The following MARCHF1 variants were observed in gnomAD, a reference collection of about 807,000 sequenced individuals.
MARCHF1 encodes the protein membrane associated ring-CH-type finger 1.
A neutral mutation model predicts 54.2 loss-of-function variants in MARCHF1; 40 were observed. The ratio of observed to expected loss-of-function variants is 0.74; its 90% CI spans 0.57 to 0.96. MARCHF1 has a LOEUF of 0.96. MARCHF1 is among the 40% of genes least tolerant of loss of function. MARCHF1 has a pLI of 0.00. For synonymous variants in MARCHF1, 236 were observed against 236.3 expected (o/e 1.00, Z 0.01); for missense variants, 586 against 656.5 (o/e 0.89, Z 1.17).
Position 164,369,227 on chromosome 4 carries a change from C to CTTGA in MARCHF1, c.-323+14639_-323+14642dup, listed in dbSNP as rs529334490. On this transcript the variant is annotated intron_variant, in intron 1 of 9. Transcript: ENST00000514618. ...CATTCCCTTTAGCTGGGCAACAATCCTTGAAGGGGGACTGGGTGGTTCTTC... is the reference window on the plus strand; with the variant it reads ...CATTCCCTTTAGCTGGGCAACAATCCTTGATTGAAGGGGGACTGGGTGGTTCTTC... Among the ~76,000 whole-genome samples, 43 of 152,256 alleles carry CTTGA rather than the reference C, an allele frequency of 2.8e-4. No homozygotes were observed. The South Asian group carries it at 8.5e-3, about 30-fold the overall frequency.
chr4:164,139,890 T>G (rs191272924), intron 1 of MARCHF1, among the ~76,000 whole-genome samples: 5 of 152,258 alleles, frequency 3.3e-5, no homozygotes, highest in African/African-American at 1.2e-4. Flanking sequence ...AACAAAAATT[T>G]GACTTCAAAT....
downstream of MARCHF1, chr4:163,524,677 C>CAA (rs1422661433): frequency 6.6e-6 from 1 of 152,126 alleles, no homozygotes; most frequent in Non-Finnish European, 1.5e-5. Context: ...GTTGCAAATA[C>CAA]AAATATCAGT....
rs934072461 is a variant in MARCHF1 at position 163,953,864 on chromosome 4, T to C, written c.-39+34637A>G. Among the ~76,000 whole-genome samples the C allele has an allele frequency of 2.0e-5, 3 of 152,314 alleles. No homozygotes were observed. The East Asian group carries it at 5.8e-4, about 29-fold the overall frequency. On this transcript the variant is annotated intron_variant, in intron 3 of 9. Transcript: ENST00000514618. Reference sequence around the variant, plus strand: ...GGCTTTGGCTGCATTTTTCTTACAATGGCAGAGTTGAGTGGATAAGGGTGA... The same window carrying C: ...GGCTTTGGCTGCATTTTTCTTACAACGGCAGAGTTGAGTGGATAAGGGTGA...
chr4:163,959,770 T>G (rs141863631), intron 3 of MARCHF1, among the ~76,000 whole-genome samples: 173 of 152,010 alleles, frequency 1.1e-3, no homozygotes, highest in African/African-American at 3.9e-3. Flanking sequence ...TATTTCATAA[T>G]GAAAACACCA....
chr4:164,164,202 A>G (rs532045972), intron 1 of MARCHF1, among the ~76,000 whole-genome samples: 46 of 152,106 alleles, frequency 3.0e-4, no homozygotes, highest in African/African-American at 1.1e-3. Flanking sequence ...ATGAAGCCCA[A>G]TGTAAGCAGA....
intron 1 of MARCHF1, among the ~76,000 whole-genome samples, chr4:164,321,527 A>G (rs933051586): frequency 6.6e-6 from 1 of 152,126 alleles, no homozygotes; most frequent in African/African-American, 2.4e-5. Context: ...ACATTAAATG[A>G]AAAAGTTATC....
intron 1 of MARCHF1, among the ~76,000 whole-genome samples, chr4:164,258,795 T>C (rs1444510540): frequency 6.6e-6 from 1 of 152,182 alleles, no homozygotes; most frequent in African/African-American, 2.4e-5. Flanking sequence ...GTAGCTCTGG[T>C]TTGATTATTC....
chr4:164,194,102 T>A (rs1173054204), intron 1 of MARCHF1, among the ~76,000 whole-genome samples: 1 of 152,104 alleles, frequency 6.6e-6, no homozygotes, highest in Non-Finnish European at 1.5e-5. Flanking sequence ...AGAGACACAA[T>A]AAGGTATAAC....
At chr4:163,898,312 A>G (rs1008130118) in intron 3 of MARCHF1, among the ~76,000 whole-genome samples, 3 of 152,182 alleles carry the variant, frequency 2.0e-5, no homozygotes, top group Non-Finnish European at 4.4e-5. Context: ...ACTAATATCC[A>G]AAATCTGCAA....
chr4:164,145,638 C>A (rs1377008032), intron 1 of MARCHF1, among the ~76,000 whole-genome samples: 1 of 152,098 alleles, frequency 6.6e-6, no homozygotes, highest in Non-Finnish European at 1.5e-5. Flanking sequence ...ATGCCAAAAA[C>A]TCTCAATAAA....
intron 1 of MARCHF1, among the ~76,000 whole-genome samples, chr4:164,331,481 C>T (rs1420580542): frequency 6.6e-6 from 1 of 152,140 alleles, no homozygotes; most frequent in Non-Finnish European, 1.5e-5. Flanking sequence ...TTTAATTTTG[C>T]TTGTTCAGCC....
At chr4:164,254,683 T>C (rs1001471297) in intron 1 of MARCHF1, among the ~76,000 whole-genome samples, 4 of 150,038 alleles carry the variant, frequency 2.7e-5, no homozygotes, top group Middle Eastern at 3.4e-3. Context: ...ACTGAAAAAT[T>C]TGGAGTCCGA....
At chr4:164,222,854 T>C (rs1396683067) in intron 1 of MARCHF1, among the ~76,000 whole-genome samples, 1 of 152,036 alleles carries the variant, frequency 6.6e-6, no homozygotes, top group African/African-American at 2.4e-5. Context: ...TATTAGTCTG[T>C]TCTCACTCTG....
At chr4:163,529,157 T>G (rs1738256473) in intron 9 of MARCHF1, 111 bp from the exon 10 acceptor site, 1 of 713,930 alleles carries the variant, frequency 1.4e-6, no homozygotes, top group Admixed American at 3.3e-5. Flanking sequence ...AGATTATGTA[T>G]GTTAACAGAA....
chr4:163,863,804 A>G (rs1023249340), intron 3 of MARCHF1, among the ~76,000 whole-genome samples: 1 of 152,020 alleles, frequency 6.6e-6, no homozygotes, highest in Non-Finnish European at 1.5e-5. Context: ...ATGAGCCTGG[A>G]GAAACTTGTA....
At chr4:164,050,667 G>T (rs868570239) in intron 2 of MARCHF1, among the ~76,000 whole-genome samples, 1 of 150,162 alleles carries the variant, frequency 6.7e-6, no homozygotes, top group South Asian at 2.1e-4. Flanking sequence ...ATTAAAATCT[G>T]CATTTTAATA....
At chr4:164,250,709 G>C (rs1733099912) in intron 1 of MARCHF1, among the ~76,000 whole-genome samples, 1 of 151,850 alleles carries the variant, frequency 6.6e-6, no homozygotes, top group Admixed American at 6.6e-5. Context: ...TACAACTAAA[G>C]CAATTTAAAT....
intron 5 of MARCHF1, among the ~76,000 whole-genome samples, chr4:163,644,631 G>T (rs1187819809): frequency 6.6e-6 from 1 of 152,126 alleles, no homozygotes; most frequent in Non-Finnish European, 1.5e-5. Flanking sequence ...GGATCTGGAG[G>T]GAAGCATAGC....
At chr4:164,172,383 C>T (rs1264722128) in intron 1 of MARCHF1, among the ~76,000 whole-genome samples, 1 of 152,034 alleles carries the variant, frequency 6.6e-6, no homozygotes, top group Non-Finnish European at 1.5e-5. Flanking sequence ...TCTTACTTAT[C>T]TTACCTTCTT....
Sources: allele counts gnomAD v4.1 joint callset (sites outside exome capture counted in the v4.1 genomes callset), GRCh38; gene constraint gnomAD v4.1.1; transcripts MANE v1.5; gene names NCBI Gene and HGNC (gene_info 2026-07-23, HGNC 2026-07-21).